PPP1R12B: variants seen among roughly 807,000 people sequenced by gnomAD.
PPP1R12B encodes myosin phosphatase target subunit 2.
Under a neutral mutation model 126.1 loss-of-function variants are expected in PPP1R12B, and 76 were observed. The ratio of observed to expected loss-of-function variants is 0.60; its 90% CI spans 0.50 to 0.73. PPP1R12B has a LOEUF of 0.73. Ranked by LOEUF, PPP1R12B falls within the 30% of genes least tolerant of loss-of-function variation. PPP1R12B has a pLI of 0.00. For synonymous variants in PPP1R12B, 356 were observed against 434.7 expected, an observed-to-expected ratio of 0.82 and a Z score of 2.25; for missense variants, 1,052 against 1,205.1, an observed-to-expected ratio of 0.87 and a Z score of 1.88.
chr1:202,464,254 T>G (rs1386273740), intron 13 of PPP1R12B, among the ~76,000 whole-genome samples: 1 of 152,210 alleles, frequency 6.6e-6, no homozygotes, highest in Non-Finnish European at 1.5e-5. Context: ...TGCTTTTAAT[T>G]GGGTTTTCTT....
chr1:202,363,396 T>A (rs141264950), intron 1 of PPP1R12B, among the ~76,000 whole-genome samples: 2 of 152,156 alleles, frequency 1.3e-5, no homozygotes, highest in Non-Finnish European at 2.9e-5. Context: ...AGGGTATTGA[T>A]CATTATCTAC....
chr1:202,400,216 TAGG>T (rs900130259), intron 1 of PPP1R12B, among the ~76,000 whole-genome samples: 2 of 152,238 alleles, frequency 1.3e-5, no homozygotes, highest in South Asian at 2.1e-4. Flanking sequence ...GGCACATAAC[TAGG>T]AGATTTCTAT....
At position 202,495,853 on chromosome 1, in the gene PPP1R12B, T is replaced by A. The variant is rs191057918; in HGVS notation, c.2448+171T>A. Among the ~76,000 whole-genome samples, 10 of 152,340 alleles carry A rather than the reference T, an allele frequency of 6.6e-5. No homozygotes were observed. The Middle Eastern group carries it at 0.01, about 155-fold the overall frequency. On this transcript the variant is annotated intron_variant, in intron 17 of 23. Transcript: ENST00000608999. ...TAACTAGTGTGGGACTCATTTGGTATGTTCCTGCTAGATTCCCAGTATCTA... is the reference window on the plus strand; with the variant it reads ...TAACTAGTGTGGGACTCATTTGGTAAGTTCCTGCTAGATTCCCAGTATCTA...
intron 20 of PPP1R12B, among the ~76,000 whole-genome samples, chr1:202,563,626 TAAA>T (rs56149958): frequency 2.2e-4 from 26 of 120,348 alleles, no homozygotes; most frequent in African/African-American, 5.5e-4. Context: ...TTGGTGTTAG[TAAA>T]AAAAAAAAAA....
At chr1:202,403,802 C>T (rs1411343620) in intron 1 of PPP1R12B, among the ~76,000 whole-genome samples, 1 of 152,140 alleles carries the variant, frequency 6.6e-6, no homozygotes, top group African/African-American at 2.4e-5. Flanking sequence ...CCTTATATTC[C>T]CTGTTTTGTC....
In PPP1R12B at chr1:202,475,331, T is replaced by C. The variant is rs541062575; in HGVS notation, c.1851-13202T>C. ...GTTTGTTCATGGCAGTCTTATAGCA[T>C]GTTGACGGAAATTTCTAGAAATGTA... On this transcript the variant is annotated intron_variant, in intron 13 of 23. Coordinates refer to ENST00000608999, the MANE Select transcript of PPP1R12B (RefSeq NM_002481.4). Among the ~76,000 whole-genome samples, 9 of 152,342 alleles carry C rather than the reference T, an allele frequency of 5.9e-5. No individual in the cohort carries two copies. In the East Asian group the frequency reaches 1.7e-3, roughly 29 times the overall value.
intron 18 of PPP1R12B, among the ~76,000 whole-genome samples, chr1:202,512,430 C>G (rs1296279236): frequency 6.6e-6 from 1 of 151,910 alleles, no homozygotes; most frequent in Non-Finnish European, 1.5e-5. Flanking sequence ...AAGAGCAGTC[C>G]CAAGGTATTT....
intron 1 of PPP1R12B, among the ~76,000 whole-genome samples, chr1:202,407,376 T>C (rs1330207591): frequency 1.3e-5 from 2 of 152,204 alleles, no homozygotes; most frequent in Non-Finnish European, 2.9e-5. Context: ...CTTGAGGTAA[T>C]ATGCCAGTTT....
At chr1:202,406,968 G>A (rs979295254) in intron 1 of PPP1R12B, among the ~76,000 whole-genome samples, 1 of 152,186 alleles carries the variant, frequency 6.6e-6, no homozygotes, top group Non-Finnish European at 1.5e-5. Context: ...TTATCAGTGA[G>A]TAACAAAGTA....
At chr1:202,481,111 A>G (rs922999234) in intron 13 of PPP1R12B, among the ~76,000 whole-genome samples, 3 of 152,232 alleles carry the variant, frequency 2.0e-5, no homozygotes, top group Non-Finnish European at 2.9e-5. Context: ...TCACGTCCCT[A>G]TGAGAATCTA....
At chr1:202,356,569 A>T (rs1332830990) in intron 1 of PPP1R12B, among the ~76,000 whole-genome samples, 2 of 152,208 alleles carry the variant, frequency 1.3e-5, no homozygotes, top group African/African-American at 2.4e-5. Flanking sequence ...ATTAGCCTGG[A>T]TTATCCAGGT....
At chr1:202,422,130 T>G (rs949416224) in intron 2 of PPP1R12B, among the ~76,000 whole-genome samples, 11 of 152,274 alleles carry the variant, frequency 7.2e-5, no homozygotes, top group Non-Finnish European at 1.6e-4. Flanking sequence ...ATATTTCTTC[T>G]TAAGTAATTT....
chr1:202,412,205 A>G (rs1173778758), intron 1 of PPP1R12B, among the ~76,000 whole-genome samples: 1 of 152,310 alleles, frequency 6.6e-6, no homozygotes, highest in East Asian at 1.9e-4. Flanking sequence ...AGTCCCAGCT[A>G]CTTGGAAGGC....
At chr1:202,563,738 AG>A (rs1572521118) in intron 20 of PPP1R12B, among the ~76,000 whole-genome samples, 3 of 152,124 alleles carry the variant, frequency 2.0e-5, no homozygotes, top group East Asian at 1.9e-4. Context: ...CTTCCCTTTC[AG>A]GTGTTTGCGA....
intron 2 of PPP1R12B, among the ~76,000 whole-genome samples, chr1:202,418,257 CATTT>C (rs1668337195): frequency 6.6e-6 from 1 of 152,148 alleles, no homozygotes. Flanking sequence ...ATTTAAGAAA[CATTT>C]ATAGAACATG....
At chr1:202,457,653 G>A (rs1673810421) in intron 13 of PPP1R12B, among the ~76,000 whole-genome samples, 2 of 152,000 alleles carry the variant, frequency 1.3e-5, no homozygotes, top group Non-Finnish European at 2.9e-5. Context: ...TTGTATAATT[G>A]TTAAGTGCTG....
Position 202,456,942 on chromosome 1 carries a change from A to G in PPP1R12B, c.1850+7771A>G, listed in dbSNP as rs186583296. ...ACACTGAAGGTCACCATGAGGGAAG[A>G]GTTCTATGACAAACTCATAGATGCA... On this transcript the variant is annotated intron_variant, in intron 13 of 23. Transcript: ENST00000608999. Among the ~76,000 whole-genome samples, 195 of 152,336 alleles carry G rather than the reference A, an allele frequency of 1.3e-3. 1 individual carries two copies. Among genetic ancestry groups the G allele is most frequent in the African/African-American group, 4.2e-3 (175 of 41,582 alleles).
At chr1:202,562,648 G>T (rs370119448) in intron 19 of PPP1R12B, 130 bp from the exon 20 acceptor site, 1 of 1,031,406 alleles carries the variant, frequency 9.7e-7, no homozygotes, top group Non-Finnish European at 1.5e-6. Context: ...AGGAAAGAAT[G>T]TTATGAGTTG....
In PPP1R12B at chr1:202,591,357, TACTGCCCTCA is replaced by T. The variant is rs1690108905; in HGVS notation, c.*10798_*10807del. 2.0e-5 allele frequency: 3 copies of T among 152,672 alleles called. No individual in the cohort carries two copies. The South Asian group carries it at 6.2e-4, about 32-fold the overall frequency. The allele number at this position is 152,672 out of a possible 1,614,324, so 9.5% of individuals were successfully genotyped here. A position where few individuals can be genotyped will look rare whatever the true frequency, so the allele number is the denominator to read the frequency against. On this transcript the variant is annotated 3_prime_UTR_variant, in exon 24 of 24. Coordinates refer to ENST00000608999, the MANE Select transcript of PPP1R12B (RefSeq NM_002481.4). ...GGCATCCTGGGCTCTTCCCATGCAG[TACTGCCCTCA>T]GGTGCCCATGGGGCCAGGGGCCGCA...
Sources: gnomAD v4.1 joint callset for allele counts (sites outside exome capture counted in the v4.1 genomes callset) on GRCh38, gnomAD v4.1.1 for gene constraint, MANE v1.5 for transcripts, NCBI Gene and HGNC (gene_info 2026-07-23, HGNC 2026-07-21) for gene names.